Variants in NEMP2 observed in about 807,000 individuals in gnomAD.
NEMP2 encodes nuclear envelope integral membrane protein 2, also known as UPF0571 transmembrane protein.
Under a neutral mutation model 54.2 loss-of-function variants are expected in NEMP2, and 53 were observed. The ratio of observed to expected loss-of-function variants is 0.98; its 90% CI spans 0.78 to 1.23. NEMP2 has a LOEUF of 1.23. NEMP2 is among the 50% of genes most tolerant of loss of function. The pLI is 0.00. For missense variants in NEMP2, 455 were observed against 511.3 expected, an observed-to-expected ratio of 0.89 and a Z score of 1.06; for synonymous variants, 197 against 190.3, an observed-to-expected ratio of 1.04 and a Z score of -0.29.
At chr2:190,465,707 T>C in the NEMP2 span, among the ~76,000 whole-genome samples, 1 of 152,090 alleles carries the variant, frequency 6.6e-6, no homozygotes, top group African/African-American at 2.4e-5. This position sits in a 1 kb window ranked among gnomAD's most constrained non-coding sequence, Gnocchi z 4.6. Context: ...AAACAGAAGT[T>C]TATGGCCGGG....
the NEMP2 span, among the ~76,000 whole-genome samples, chr2:190,455,787 C>A: frequency 6.6e-6 from 1 of 150,450 alleles, no homozygotes; most frequent in African/African-American, 2.4e-5. Context: ...ATTCCTGTCA[C>A]AAAAGAAAGG....
At chr2:190,571,241 T>G in the NEMP2 span, among the ~76,000 whole-genome samples, 162 of 152,296 alleles carry the variant, frequency 1.1e-3, 1 homozygote, top group African/African-American at 3.8e-3. Flanking sequence ...ATCTTTCTCT[T>G]GAATTAAAAC....
At chr2:190,425,419 A>C in the NEMP2 span, among the ~76,000 whole-genome samples, 1 of 152,206 alleles carries the variant, frequency 6.6e-6, no homozygotes, top group Non-Finnish European at 1.5e-5. The surrounding 1 kb of genome is among the most constrained non-coding windows in gnomAD (Gnocchi z 4.3). Flanking sequence ...CCTATCTTAG[A>C]GAAAAAGCAT....
At chr2:190,445,963 C>T in the NEMP2 span, among the ~76,000 whole-genome samples, 1 of 152,052 alleles carries the variant, frequency 6.6e-6, no homozygotes, top group East Asian at 1.9e-4. Flanking sequence ...GAGATATAGC[C>T]TGTATTAAAC....
chr2:190,586,508 A>G, the NEMP2 span, among the ~76,000 whole-genome samples: 1 of 152,166 alleles, frequency 6.6e-6, no homozygotes, highest in Non-Finnish European at 1.5e-5. This position sits in a 1 kb window ranked among gnomAD's most constrained non-coding sequence, Gnocchi z 4.5. Flanking sequence ...TGATTGTCTA[A>G]CATTCTTTCA....
chr2:190,500,691 A>C (rs1689984321), downstream of NEMP2: 1 of 153,316 alleles, frequency 6.5e-6, no homozygotes, highest in East Asian at 1.9e-4. This position sits in a 1 kb window ranked among gnomAD's most constrained non-coding sequence, Gnocchi z 5.3. Context: ...CGTTTAAAAA[A>C]TTACAAGATA....
the NEMP2 span, among the ~76,000 whole-genome samples, chr2:190,580,874 G>A: frequency 1.3e-5 from 2 of 152,128 alleles, no homozygotes; most frequent in African/African-American, 2.4e-5. This position sits in a 1 kb window ranked among gnomAD's most constrained non-coding sequence, Gnocchi z 5.3. Flanking sequence ...TTAAAATATT[G>A]GTGCAAAGGA....
the NEMP2 span, chr2:190,435,366 C>T: frequency 2.0e-5 from 3 of 152,236 alleles, no homozygotes. Flanking sequence ...TTTTCTTAAA[C>T]TGCTATCTAT....
At chr2:190,470,267 A>C in the NEMP2 span, among the ~76,000 whole-genome samples, 1 of 152,226 alleles carries the variant, frequency 6.6e-6, no homozygotes, top group South Asian at 2.1e-4. Flanking sequence ...TTATCTCTTC[A>C]GTTATTTTTA....
the NEMP2 span, among the ~76,000 whole-genome samples, chr2:190,590,385 G>T: frequency 6.6e-6 from 1 of 152,152 alleles, no homozygotes; most frequent in Non-Finnish European, 1.5e-5. The surrounding 1 kb of genome is among the most constrained non-coding windows in gnomAD (Gnocchi z 5.1). Context: ...TGACACTAGT[G>T]TGCCTTTTAT....
chr2:190,559,466 A>C, the NEMP2 span, among the ~76,000 whole-genome samples: 9 of 152,106 alleles, frequency 5.9e-5, no homozygotes, highest in Non-Finnish European at 1.3e-4. The surrounding 1 kb of genome is among the most constrained non-coding windows in gnomAD (Gnocchi z 4.0). Context: ...AGAGAGTCAA[A>C]TGAGAAGGCC....
chr2:190,565,748 A>G, the NEMP2 span, among the ~76,000 whole-genome samples: 3 of 152,226 alleles, frequency 2.0e-5, no homozygotes, highest in Non-Finnish European at 2.9e-5. Context: ...CTCAGAATGT[A>G]GCCTTATTTG....
the NEMP2 span, chr2:190,627,820 T>C: frequency 6.6e-6 from 1 of 152,226 alleles, no homozygotes; most frequent in Non-Finnish European, 1.5e-5. The surrounding 1 kb of genome is among the most constrained non-coding windows in gnomAD (Gnocchi z 4.4). Context: ...AAAAATAAAA[T>C]AATAAAGTTA....
chr2:190,435,889 T>C, the NEMP2 span: 1 of 1,123,714 alleles, frequency 8.9e-7, no homozygotes, highest in Non-Finnish European at 1.2e-6. Flanking sequence ...TTTTAGTTTG[T>C]AACTGCTTAA....
downstream of NEMP2, among the ~76,000 whole-genome samples, chr2:190,503,389 T>C (rs1056404301): frequency 7.2e-5 from 11 of 152,234 alleles, no homozygotes; most frequent in African/African-American, 2.7e-4. This position sits in a 1 kb window ranked among gnomAD's most constrained non-coding sequence, Gnocchi z 6.3. Context: ...TATGTGGCTA[T>C]TAAACAACTG....
the NEMP2 span, among the ~76,000 whole-genome samples, chr2:190,430,207 CTT>C: frequency 4.5e-5 from 6 of 132,080 alleles, no homozygotes; most frequent in Admixed American, 1.5e-4. Flanking sequence ...AGTCCTCATT[CTT>C]TTTTTTTTTT....
At chr2:190,638,596 T>C in the NEMP2 span, among the ~76,000 whole-genome samples, 43 of 152,112 alleles carry the variant, frequency 2.8e-4, no homozygotes, top group African/African-American at 9.7e-4. The surrounding 1 kb of genome is among the most constrained non-coding windows in gnomAD (Gnocchi z 5.7). Context: ...GGAAAAGATA[T>C]TGTAAAGCAA....
the NEMP2 span, among the ~76,000 whole-genome samples, chr2:190,427,219 C>T: frequency 6.6e-6 from 1 of 152,212 alleles, no homozygotes; most frequent in Non-Finnish European, 1.5e-5. Flanking sequence ...ATACTGTGGC[C>T]TCATTACTGC....
the NEMP2 span, among the ~76,000 whole-genome samples, chr2:190,622,587 C>A: frequency 6.3e-3 from 958 of 152,094 alleles, 7 homozygotes; most frequent in African/African-American, 0.022. Context: ...TTAGAGTAAA[C>A]CTTTGTGACT....
Sources: allele counts gnomAD v4.1 joint callset (sites outside exome capture counted in the v4.1 genomes callset), GRCh38; gene constraint gnomAD v4.1.1; non-coding constraint Gnocchi (gnomAD v3.1); transcripts MANE v1.5; gene names NCBI Gene and HGNC (gene_info 2026-07-23, HGNC 2026-07-21).